The following GRID2 variants were observed in gnomAD, a reference collection of about 807,000 sequenced individuals.
GRID2 encodes the protein glutamate ionotropic receptor delta type subunit 2.
GRID2 carries 33 observed loss-of-function variants against 114.8 expected under a neutral mutation model. The observed-to-expected ratio is 0.29, with a 90% CI of 0.22 to 0.38. GRID2 has a LOEUF of 0.38. GRID2 is among the 10% of genes least tolerant of loss of function. The pLI, the probability that GRID2 is intolerant of heterozygous loss-of-function variation, is 1.00. For missense variants in GRID2, 1,184 were observed against 1,257.7 expected (o/e 0.94, Z 0.89); for synonymous variants, 505 against 449.9 (o/e 1.12, Z -1.55).
intron 2 of GRID2, among the ~76,000 whole-genome samples, chr4:92,870,657 A>G (rs1463207136): frequency 6.6e-6 from 1 of 152,200 alleles, no homozygotes; most frequent in Non-Finnish European, 1.5e-5. Context: ...CAATTATTAA[A>G]TTATAGTTCA....
At chr4:93,032,495 G>T (rs1724532255) in intron 2 of GRID2, among the ~76,000 whole-genome samples, 1 of 151,900 alleles carries the variant, frequency 6.6e-6, no homozygotes, top group Non-Finnish European at 1.5e-5. Context: ...ACATTTTTCT[G>T]AATTAACAGT....
At chr4:93,543,573 G>A (rs187542106) in intron 13 of GRID2, among the ~76,000 whole-genome samples, 35 of 152,252 alleles carry the variant, frequency 2.3e-4, no homozygotes, top group Non-Finnish European at 2.9e-4. Flanking sequence ...AAGCCAGTTG[G>A]CAATAAAATA....
intron 2 of GRID2, among the ~76,000 whole-genome samples, chr4:93,074,856 A>G (rs921695333): frequency 3.9e-5 from 6 of 152,188 alleles, no homozygotes; most frequent in Non-Finnish European, 7.3e-5. Context: ...TTATTTCAGT[A>G]AATTTGACAA....
At chr4:93,302,762 A>G in intron 8 of GRID2, 1 of 348,496 alleles carries the variant, frequency 2.9e-6, no homozygotes, top group Non-Finnish European at 5.7e-6. Flanking sequence ...AATATATCCA[A>G]CTACACAGTA....
At chr4:92,352,683 A>T (rs983260593) in intron 1 of GRID2, among the ~76,000 whole-genome samples, 8 of 152,018 alleles carry the variant, frequency 5.3e-5, no homozygotes, top group African/African-American at 1.9e-4. Context: ...ACATCCATTC[A>T]TGTGCTTATT....
chr4:93,628,646 T>C (rs1742950660), intron 14 of GRID2, among the ~76,000 whole-genome samples: 1 of 152,212 alleles, frequency 6.6e-6, no homozygotes, highest in South Asian at 2.1e-4. Flanking sequence ...GCAGAAATGT[T>C]TAATGCATGC....
chr4:92,373,471 C>A (rs1729210816), intron 1 of GRID2, among the ~76,000 whole-genome samples: 1 of 152,178 alleles, frequency 6.6e-6, no homozygotes. Context: ...CTGATAGTGC[C>A]AGGCCAGCTT....
intron 2 of GRID2, among the ~76,000 whole-genome samples, chr4:92,831,239 C>T (rs1357913114): frequency 2.0e-5 from 3 of 152,040 alleles, no homozygotes; most frequent in Non-Finnish European, 4.4e-5. Flanking sequence ...AAGAAAGCAA[C>T]AGAAATTTAC....
chr4:93,017,488 TTTTC>T (rs1299265884), intron 2 of GRID2, among the ~76,000 whole-genome samples: 4 of 152,082 alleles, frequency 2.6e-5, no homozygotes, highest in Non-Finnish European at 4.4e-5. Flanking sequence ...TTAATAATCT[TTTTC>T]TTTCTTTCTC....
chr4:92,484,870 A>G (rs944018165), intron 1 of GRID2, among the ~76,000 whole-genome samples: 2 of 152,026 alleles, frequency 1.3e-5, no homozygotes, highest in Non-Finnish European at 2.9e-5. Flanking sequence ...ATTATGCATT[A>G]TAATTTCTCA....
intron 4 of GRID2, among the ~76,000 whole-genome samples, chr4:93,177,792 TA>T (rs1365398121): frequency 6.6e-6 from 1 of 152,122 alleles, no homozygotes; most frequent in African/African-American, 2.4e-5. Context: ...ATAATAAAAT[TA>T]TTTTTTTCTA....
At chr4:93,751,787 G>A (rs930369447) in intron 14 of GRID2, among the ~76,000 whole-genome samples, 2 of 152,168 alleles carry the variant, frequency 1.3e-5, no homozygotes, top group Non-Finnish European at 2.9e-5. Context: ...AATTGAGGCT[G>A]TCCCCACTGT....
intron 2 of GRID2, among the ~76,000 whole-genome samples, chr4:93,034,473 C>G (rs975208133): frequency 1.3e-5 from 2 of 152,226 alleles, no homozygotes; most frequent in African/African-American, 4.8e-5. Flanking sequence ...CACAATACAA[C>G]GATATTTCAC....
chr4:92,381,804 C>T (rs999301705), intron 1 of GRID2, among the ~76,000 whole-genome samples: 1 of 151,908 alleles, frequency 6.6e-6, no homozygotes, highest in Non-Finnish European at 1.5e-5. Context: ...TTCATGTTCT[C>T]TTGTGCTTGT....
At chr4:92,801,492 CT>C (rs1255034283) in intron 2 of GRID2, among the ~76,000 whole-genome samples, 1 of 151,896 alleles carries the variant, frequency 6.6e-6, no homozygotes, top group African/African-American at 2.4e-5. Context: ...CCTTTTCTTG[CT>C]TTAATAGTTG....
intron 1 of GRID2, among the ~76,000 whole-genome samples, chr4:92,370,863 A>G (rs1729085392): frequency 6.6e-6 from 1 of 152,164 alleles, no homozygotes; most frequent in African/African-American, 2.4e-5. Flanking sequence ...GTGAGTTAGC[A>G]AAGTTGTAAA....
At chr4:93,501,897 C>T (rs1041142480) in intron 12 of GRID2, among the ~76,000 whole-genome samples, 2 of 152,040 alleles carry the variant, frequency 1.3e-5, no homozygotes, top group African/African-American at 4.8e-5. Context: ...GCCTAGAAAC[C>T]TATTAAGTGC....
chr4:93,630,777 C>T (rs534040425), intron 14 of GRID2, among the ~76,000 whole-genome samples: 3 of 151,846 alleles, frequency 2.0e-5, no homozygotes, highest in African/African-American at 2.4e-5. Context: ...GAAAGTAGTC[C>T]ACAGGAATAA....
chr4:93,345,711 C>T (rs1008553746), intron 8 of GRID2, among the ~76,000 whole-genome samples: 4 of 151,968 alleles, frequency 2.6e-5, no homozygotes, highest in African/African-American at 9.7e-5. Flanking sequence ...AAAAAAAATC[C>T]TTGCCCAGAT....
Sources: gnomAD v4.1 joint callset for allele counts (sites outside exome capture counted in the v4.1 genomes callset) on GRCh38, gnomAD v4.1.1 for gene constraint, MANE v1.5 for transcripts, NCBI Gene and HGNC (gene_info 2026-07-23, HGNC 2026-07-21) for gene names.